Variants in PKN3 observed in about 807,000 individuals in gnomAD.
PKN3 encodes protein kinase N3, also known as serine/threonine-protein kinase N3.
In PKN3, 91 loss-of-function variants were observed where a neutral mutation model predicts 113.1. The ratio of observed to expected loss-of-function variants is 0.80; its 90% CI spans 0.68 to 0.96. The LOEUF is 0.96. PKN3 is among the 40% of genes least tolerant of loss of function. The pLI, the probability that PKN3 is intolerant of heterozygous loss-of-function variation, is 0.00. For missense variants in PKN3, 1,052 were observed against 1,202.2 expected (o/e 0.88, Z 1.85); for synonymous variants, 467 against 499.0 (o/e 0.94, Z 0.85).
intron 1 of PKN3, chr9:128,703,309 CG>C (rs952626049): frequency 2.2e-6 from 2 of 927,526 alleles, no homozygotes; most frequent in South Asian, 5.0e-5. Context: ...GATAGAAAGG[CG>C]GGGCACAGGG....
At position 128,703,558 on chromosome 9, in the gene PKN3, T is replaced by C. The variant is rs1861918196; in HGVS notation, c.24+619T>C. On this transcript the variant is annotated intron_variant, in intron 1 of 21. Transcript: ENST00000291906. ...GCGTGGGCCCGGAGGACCGAGGCCA[T>C]GTCTATCTGCTCCTGAGGAGGGAGA... 3 of 985,148 alleles carry C rather than the reference T, an allele frequency of 3.0e-6. No individual in the cohort carries two copies. The African/African-American group carries it at 5.2e-5, about 17-fold the overall frequency. 61.0% of individuals were successfully genotyped at this position (985,148 alleles called of 1,614,324 possible).
chr9:128,714,559 C>T lies in PKN3; in HGVS notation c.1482-3C>T. ...GGGCACTGTGTCTACTTTCTCCCTA[C>T]AGTAATTTCCTGCCCAAGAAGACCC... On this transcript the variant is annotated splice_region_variant and splice_polypyrimidine_tract_variant and intron_variant, in intron 11 of 21. Coordinates refer to ENST00000291906, the MANE Select transcript of PKN3 (RefSeq NM_013355.5). 1 of 1,211,756 alleles carries T rather than the reference C, an allele frequency of 8.3e-7. No individual in the cohort carries two copies. Among genetic ancestry groups the T allele is most frequent in the Non-Finnish European group, 1.2e-6 (1 of 812,506 alleles). 75.1% of individuals were successfully genotyped at this position (1,211,756 alleles called of 1,614,324 possible).
chr9:128,707,072 C>T (rs777884141), intron 5 of PKN3, 49 bp downstream of exon 5: 62 of 1,611,738 alleles, frequency 3.8e-5, no homozygotes, highest in Non-Finnish European at 5.3e-5. Flanking sequence ...GTTCCCATAC[C>T]ACCCTCAGCA....
intron 6 of PKN3, 113 bp downstream of exon 6, chr9:128,707,518 T>A: frequency 1.2e-6 from 1 of 853,492 alleles, no homozygotes. Context: ...CAGCACCCAC[T>A]AGCAGCGTGA....
chr9:128,707,368 G>T lies in PKN3; in HGVS notation c.798G>T (p.Gln266His), dbSNP rs750579301. Residue 266 changes from glutamine (Q) to histidine (H), a missense_variant, in exon 6 of 22, where the codon CAG becomes CAT. This residue lies in a region of PKN3 where 719 missense variants were observed against 759.4 expected (regional missense o/e 0.95). Coordinates refer to ENST00000291906, the MANE Select transcript of PKN3 (RefSeq NM_013355.5). ...GGGCTGCGGTGCCTGGATACCCCCAGCCTTCAGGGACACCTGTGAAGCCCA... is the reference window on the plus strand; with the variant it reads ...GGGCTGCGGTGCCTGGATACCCCCATCCTTCAGGGACACCTGTGAAGCCCA... ...ELRAAVPGYP[Q>H]PSGTPVKPTA... The T allele has an allele frequency of 6.2e-7, 1 of 1,612,722 alleles. No individual in the cohort carries two copies.
chr9:128,708,532 CA>C (rs908804761), intron 6 of PKN3, among the ~76,000 whole-genome samples: 16 of 139,248 alleles, frequency 1.1e-4, no homozygotes, highest in African/African-American at 1.3e-4. Flanking sequence ...GACCCAGTCT[CA>C]AAAAAAAAAG....
Position 128,714,114 on chromosome 9 carries a change from A to T in PKN3, c.1305A>T (p.Lys435Asn), listed in dbSNP as rs1435935768. 10 of 1,613,922 alleles carry T rather than the reference A, an allele frequency of 6.2e-6. No homozygotes were observed. The highest frequency in any genetic ancestry group is 8.5e-6 in the Non-Finnish European group (10 of 1,179,996). ...RLQRQERIFS[K>N]RRGQDFLRAS... ...AGAGGCAGGAACGCATCTTCTCTAA[A>T]CGCAGAGGTGTGGAGGGAATGGGGG... Residue 435 changes from lysine to asparagine, a missense_variant, in exon 10 of 22, where the codon AAA becomes AAT. Coordinates refer to ENST00000291906, the MANE Select transcript of PKN3 (RefSeq NM_013355.5).
Position 128,714,189 on chromosome 9 carries a change from T to C in PKN3, c.1313-8T>C, listed in dbSNP as rs780056253. 7.4e-6 allele frequency: 12 copies of C among 1,613,806 alleles called. No homozygotes were observed. The South Asian group carries it at 1.2e-4, about 16-fold the overall frequency. On this transcript the variant is annotated splice_polypyrimidine_tract_variant and splice_region_variant and intron_variant, in intron 10 of 21. Coordinates refer to ENST00000291906, the MANE Select transcript of PKN3 (RefSeq NM_013355.5). ...GGTCCCGGGACTAAGCTCCCCCTTT[T>C]CTCCCAGGCCAGGACTTCCTGAGGG...
At chr9:128,713,685 CG>C in intron 9 of PKN3, 43 bp downstream of exon 9, 1 of 1,602,388 alleles carries the variant, frequency 6.2e-7, no homozygotes, top group South Asian at 1.1e-5. Flanking sequence ...GACCCTGGGG[CG>C]TCAGGGCCAG....
At chr9:128,710,561 A>G (rs182043893) in intron 6 of PKN3, among the ~76,000 whole-genome samples, 77 of 151,688 alleles carry the variant, frequency 5.1e-4, no homozygotes, top group African/African-American at 1.8e-3. Context: ...GTGCGATATC[A>G]GCTCACTGCA....
chr9:128,714,917 A>C, intron 13 of PKN3, 52 bp downstream of exon 13: 2 of 1,527,910 alleles, frequency 1.3e-6, no homozygotes, highest in Non-Finnish European at 1.8e-6. Flanking sequence ...GCTTGCTTGA[A>C]CATTTGTGTA....
intron 6 of PKN3, among the ~76,000 whole-genome samples, chr9:128,709,293 T>A (rs10819430): frequency 0.9 from 131,116 of 145,672 alleles, 60,701 homozygotes; most frequent in East Asian, 1. Flanking sequence ...CAAAAAAAAA[T>A]AAAAAAATAA....
Position 128,720,058 on chromosome 9 carries a change from C to G in PKN3, c.2376+41C>G. 1 of 1,567,882 alleles carries G rather than the reference C, an allele frequency of 6.4e-7. No homozygotes were observed. The highest frequency in any genetic ancestry group is 1.1e-5 in the South Asian group (1 of 90,162). The stretch of plus-strand genomic sequence containing the variant: ...TCTGGGGCTGGGCTGGATGGCCGCT[C>G]AAGGCCCATGTGCCCTCTGCCGTGG... On this transcript the variant is annotated intron_variant, in intron 20 of 21. Coordinates refer to ENST00000291906, the MANE Select transcript of PKN3 (RefSeq NM_013355.5). The surrounding 1 kb of genome is among the most constrained non-coding windows in gnomAD (Gnocchi z 5.5).
chr9:128,703,764 G>A (rs1051103209), intron 1 of PKN3: 1 of 985,404 alleles, frequency 1.0e-6, no homozygotes, highest in Non-Finnish European at 1.2e-6. Context: ...CAAGCCAGTC[G>A]TTTAGGCCGC....
chr9:128,717,117 C>CTTTTTTGTTTTTTTTTTTTTTT (rs1862363627), intron 16 of PKN3, among the ~76,000 whole-genome samples, 194 bp downstream of exon 16: 1 of 24,364 alleles, frequency 4.1e-5, no homozygotes, highest in Non-Finnish European at 8.1e-5. Context: ...CATTAGGTTT[C>CTTTTTTGTTTTTTTTTTTTTTT]TTTTTTTTTT....
At chr9:128,710,306 G>A (rs1488174624) in intron 6 of PKN3, among the ~76,000 whole-genome samples, 1 of 151,742 alleles carries the variant, frequency 6.6e-6, no homozygotes, top group Non-Finnish European at 1.5e-5. Flanking sequence ...CAAATAATCT[G>A]AGAGCATGGG....
chr9:128,707,551 C>T, intron 6 of PKN3, 146 bp downstream of exon 6: 2 of 662,914 alleles, frequency 3.0e-6, no homozygotes, highest in South Asian at 2.0e-5. Context: ...GACATTCCTT[C>T]TTCAAACCTC....
In PKN3 at chr9:128,715,437, G is replaced by A; in HGVS notation, c.1785G>A (p.Val595=). Residue 595 remains valine (V), a synonymous_variant, in exon 15 of 22, where the codon GTG becomes GTA. Transcript: ENST00000291906. The surrounding 1 kb of genome is among the most constrained non-coding windows in gnomAD (Gnocchi z 4.1). Reference sequence around the variant, plus strand: ...TCAAAGCACTGAAGAAGCAGGAGGTGCTCAGCCGGGACGAGATAGAGAGGT... The same window carrying A: ...TCAAAGCACTGAAGAAGCAGGAGGTACTCAGCCGGGACGAGATAGAGAGGT... ...YAIKALKKQE[V]LSRDEIESLY... 1 of 1,613,892 alleles carries A rather than the reference G, an allele frequency of 6.2e-7. No homozygotes were observed. Among genetic ancestry groups the A allele is most frequent in the Non-Finnish European group, 8.5e-7 (1 of 1,179,934 alleles).
intron 1 of PKN3, among the ~76,000 whole-genome samples, chr9:128,704,646 G>C (rs952670775): frequency 1.3e-5 from 2 of 152,110 alleles, no homozygotes; most frequent in Non-Finnish European, 2.9e-5. Context: ...TAGTACAGGC[G>C]TGGTGGCTCA....
Sources: gnomAD v4.1 joint callset for allele counts (sites outside exome capture counted in the v4.1 genomes callset) on GRCh38, gnomAD v4.1.1 for gene constraint, gnomAD v4.1.1 regional missense constraint, Gnocchi (gnomAD v3.1) non-coding constraint, MANE v1.5 for transcripts, NCBI Gene and HGNC (gene_info 2026-07-23, HGNC 2026-07-21) for gene names.